Variants in FAF1 observed in about 807,000 individuals in gnomAD.
FAF1 encodes Fas associated factor 1.
FAF1 carries 25 observed loss-of-function variants against 92.5 expected under a neutral mutation model. That is an observed-to-expected ratio of 0.27 (90% CI 0.20 to 0.38). The LOEUF is 0.38. FAF1 is among the 10% of genes least tolerant of loss of function. FAF1 has a pLI of 1.00. For synonymous variants in FAF1, 234 were observed against 273.2 expected, an observed-to-expected ratio of 0.86 and a Z score of 1.42; for missense variants, 636 against 793.3, an observed-to-expected ratio of 0.80 and a Z score of 2.38.
chr1:50,494,316 A>G (rs917794404), intron 15 of FAF1, among the ~76,000 whole-genome samples: 2 of 152,194 alleles, frequency 1.3e-5, no homozygotes, highest in African/African-American at 4.8e-5. Flanking sequence ...TGTGGTTAAC[A>G]CTTCATGTAT....
intron 13 of FAF1, among the ~76,000 whole-genome samples, chr1:50,549,114 C>A (rs1181894665): frequency 1.3e-5 from 2 of 152,286 alleles, no homozygotes; most frequent in Non-Finnish European, 1.5e-5. Context: ...GGAAGTTATT[C>A]TTTACACCAT....
At chr1:50,671,204 C>A (rs12070594) in intron 7 of FAF1, among the ~76,000 whole-genome samples, 17,849 of 151,942 alleles carry the variant, frequency 0.12, 1,277 homozygotes, top group African/African-American at 0.2. Flanking sequence ...CAGGAGATCA[C>A]GATCAGCCTG....
intron 1 of FAF1, among the ~76,000 whole-genome samples, chr1:50,885,307 C>G (rs191464957): frequency 6.7e-6 from 1 of 148,322 alleles, no homozygotes; most frequent in East Asian, 2.0e-4. Flanking sequence ...CTCTCTCTCT[C>G]TCTCTCACAC....
chr1:50,591,674 G>T (rs1284341984), intron 9 of FAF1, among the ~76,000 whole-genome samples: 2 of 93,668 alleles, frequency 2.1e-5, no homozygotes, highest in African/African-American at 7.8e-5. Context: ...CTCCATCTCA[G>T]AAAAAAAAAA....
At chr1:50,957,403 G>C (rs561496689) in intron 1 of FAF1, among the ~76,000 whole-genome samples, 6 of 140,346 alleles carry the variant, frequency 4.3e-5, no homozygotes, top group Admixed American at 1.5e-4. Context: ...CCAGGCTAGA[G>C]TACAGTGGCG....
chr1:50,565,454 TA>T (rs916077820), intron 13 of FAF1, among the ~76,000 whole-genome samples: 8 of 152,102 alleles, frequency 5.3e-5, no homozygotes, highest in African/African-American at 1.9e-4. Flanking sequence ...TTAGTGTTTT[TA>T]AAAAAGTGTC....
intron 6 of FAF1, among the ~76,000 whole-genome samples, chr1:50,717,585 T>C (rs11205761): frequency 0.43 from 66,053 of 152,084 alleles, 15,512 homozygotes; most frequent in African/African-American, 0.59. Flanking sequence ...TAAACAGCTG[T>C]CATGAGTTCA....
chr1:50,739,674 G>A (rs1302498531), intron 5 of FAF1, among the ~76,000 whole-genome samples: 1 of 152,094 alleles, frequency 6.6e-6, no homozygotes, highest in African/African-American at 2.4e-5. Flanking sequence ...AAAGATCACT[G>A]AGAGCACCTC....
chr1:50,513,931 T>A (rs965484755), intron 15 of FAF1, among the ~76,000 whole-genome samples: 1 of 152,232 alleles, frequency 6.6e-6, no homozygotes, highest in East Asian at 1.9e-4. Flanking sequence ...TACTTGCTTA[T>A]TGTATTTCTC....
intron 8 of FAF1, among the ~76,000 whole-genome samples, chr1:50,609,791 T>C (rs945077176): frequency 2.9e-5 from 4 of 137,068 alleles, no homozygotes; most frequent in African/African-American, 8.0e-5. Context: ...AGTTGAATTA[T>C]GGAAAAAAAA....
intron 2 of FAF1, among the ~76,000 whole-genome samples, chr1:50,853,437 T>C (rs1644366563): frequency 6.6e-6 from 1 of 152,076 alleles, no homozygotes; most frequent in African/African-American, 2.4e-5. Flanking sequence ...TAGAAACACA[T>C]ATGCGGATTT....
intron 6 of FAF1, among the ~76,000 whole-genome samples, chr1:50,734,639 CAGG>C (rs1417757095): frequency 6.6e-6 from 1 of 150,872 alleles, no homozygotes; most frequent in East Asian, 2.0e-4. Flanking sequence ...GAGGCTGAGG[CAGG>C]AGAATGGCGT....
At chr1:50,519,457 GGGAAGGAAGGAA>G (rs568388948) in intron 15 of FAF1, among the ~76,000 whole-genome samples, 1 of 146,806 alleles carries the variant, frequency 6.8e-6, no homozygotes, top group Non-Finnish European at 1.5e-5. Context: ...GAAGGAGGGA[GGGAAGGAAGGAA>G]GGAAGGAAGG....
At chr1:50,682,118 A>G (rs1244371816) in intron 7 of FAF1, among the ~76,000 whole-genome samples, 1 of 152,032 alleles carries the variant, frequency 6.6e-6, no homozygotes, top group Non-Finnish European at 1.5e-5. Context: ...TACAGGTGTG[A>G]GTCACCACAC....
intron 1 of FAF1, among the ~76,000 whole-genome samples, chr1:50,899,876 C>T (rs1039080650): frequency 1.3e-5 from 2 of 152,156 alleles, no homozygotes; most frequent in African/African-American, 2.4e-5. Context: ...TTCCCCCCTA[C>T]TACTAAGGCA....
chr1:50,715,156 C>T (rs1260536348), intron 6 of FAF1: 2 of 232,684 alleles, frequency 8.6e-6, no homozygotes, highest in Non-Finnish European at 9.0e-6. Context: ...TAATCAGAAT[C>T]ACAGACTTTG....
At chr1:50,822,920 G>T (rs1362312659) in intron 2 of FAF1, among the ~76,000 whole-genome samples, 2 of 151,924 alleles carry the variant, frequency 1.3e-5, no homozygotes, top group East Asian at 1.9e-4. Flanking sequence ...GGTTACAGGT[G>T]TGCACCACAA....
intron 6 of FAF1, among the ~76,000 whole-genome samples, chr1:50,717,271 C>T (rs1021939974): frequency 6.6e-6 from 1 of 152,110 alleles, no homozygotes; most frequent in African/African-American, 2.4e-5. Flanking sequence ...GATATGGGGT[C>T]TTTGGGAGGT....
At chr1:50,605,785 C>G (rs1652353105) in intron 8 of FAF1, among the ~76,000 whole-genome samples, 1 of 152,206 alleles carries the variant, frequency 6.6e-6, no homozygotes, top group South Asian at 2.1e-4. Flanking sequence ...TTTCTCTTGA[C>G]TCTGCTTTTC....
Sources: gnomAD v4.1 joint callset for allele counts (sites outside exome capture counted in the v4.1 genomes callset) on GRCh38, gnomAD v4.1.1 for gene constraint, MANE v1.5 for transcripts, NCBI Gene and HGNC (gene_info 2026-07-23, HGNC 2026-07-21) for gene names.